The following DIP2A variants were observed in gnomAD, a reference collection of about 807,000 sequenced individuals.
DIP2A encodes the protein DIP2 acetate--CoA ligase A.
Under a neutral mutation model 177.4 loss-of-function variants are expected in DIP2A, and 85 were observed. The ratio of observed to expected loss-of-function variants is 0.48; its 90% CI spans 0.40 to 0.57. The LOEUF (loss-of-function observed/expected upper bound fraction) is 0.57, where lower values mean the gene tolerates loss of function less well. Ranked by LOEUF, DIP2A falls within the 20% of genes least tolerant of loss-of-function variation. DIP2A has a pLI of 0.00. For missense variants in DIP2A, 1,791 were observed against 2,100.2 expected (o/e 0.85, Z 2.88); for synonymous variants, 886 against 881.8 (o/e 1.00, Z -0.08).
rs1940541252 is a variant in DIP2A, at chr21:46,557,416, C to G, written c.3630-169C>G. Reference sequence around the variant, plus strand: ...CTCAGAACCCCGTGCCTGCCATCCCCCAACCTTCACCCTGTGGCATGTTTT... The same window carrying G: ...CTCAGAACCCCGTGCCTGCCATCCCGCAACCTTCACCCTGTGGCATGTTTT... On this transcript the variant is annotated intron_variant, in intron 30 of 37. Coordinates refer to ENST00000417564, the MANE Select transcript of DIP2A (RefSeq NM_015151.4). The surrounding 1 kb of genome is among the most constrained non-coding windows in gnomAD (Gnocchi z 6.0). The G allele has an allele frequency of 1.1e-6, 1 of 877,790 alleles. No homozygotes were observed. 54.4% of individuals were successfully genotyped at this position (877,790 alleles called of 1,614,324 possible).
chr21:46,533,259 C>T (rs1020769086), intron 10 of DIP2A, among the ~76,000 whole-genome samples: 2 of 152,166 alleles, frequency 1.3e-5, no homozygotes, highest in African/African-American at 2.4e-5. Context: ...TAAGAATAAA[C>T]TTTGAGAAAT....
chr21:46,561,365 A>C, intron 33 of DIP2A: 1 of 353,996 alleles, frequency 2.8e-6, no homozygotes, highest in Non-Finnish European at 5.4e-6. Flanking sequence ...TCAGATGTGT[A>C]TCAGGGCCCC....
At chr21:46,507,433 A>T (rs1408378811) in intron 6 of DIP2A, among the ~76,000 whole-genome samples, 1 of 152,136 alleles carries the variant, frequency 6.6e-6, no homozygotes, top group Non-Finnish European at 1.5e-5. Context: ...GTATGTGGGT[A>T]TTCAGTTGTT....
chr21:46,511,706 C>G, intron 8 of DIP2A, 92 bp downstream of exon 8: 2 of 1,283,242 alleles, frequency 1.6e-6, no homozygotes, highest in South Asian at 3.4e-5. Context: ...GATAAATATT[C>G]CTGAGAAACC....
intron 8 of DIP2A, among the ~76,000 whole-genome samples, chr21:46,513,898 G>A (rs1490448030): frequency 1.1e-4 from 16 of 152,018 alleles, no homozygotes; most frequent in Admixed American, 7.9e-4. Context: ...CAAGCATTTC[G>A]GATAAGGGAT....
chr21:46,503,547 T>C (rs775408396), intron 5 of DIP2A, among the ~76,000 whole-genome samples: 2 of 151,028 alleles, frequency 1.3e-5, no homozygotes, highest in South Asian at 2.1e-4. Context: ...ATTTCAAATT[T>C]GTTTCTGCTT....
At position 46,551,991 on chromosome 21, in the gene DIP2A, T is replaced by G. The variant is rs2060290743; in HGVS notation, c.3030+87T>G. The stretch of plus-strand genomic sequence containing the variant: ...TGTCTAGTTCATGGTGCCAGTGTCC[T>G]GGTTGTTCTCATGTTTAGAGAACAG... On this transcript the variant is annotated intron_variant, in intron 25 of 37. Transcript: ENST00000417564. 4 of 1,431,368 alleles carry G rather than the reference T, an allele frequency of 2.8e-6. 1 individual carries two copies. Among genetic ancestry groups the G allele is most frequent in the African/African-American group, 2.8e-5 (2 of 71,016 alleles). The allele number at this position is 1,431,368 out of a possible 1,614,324, so 88.7% of individuals were successfully genotyped here. A position where few individuals can be genotyped will look rare whatever the true frequency, so the allele number is the denominator to read the frequency against.
Position 46,498,346 on chromosome 21 carries a change from A to C in DIP2A, c.404-236A>C, listed in dbSNP as rs557626710. On this transcript the variant is annotated intron_variant, in intron 4 of 37. Coordinates refer to ENST00000417564, the MANE Select transcript of DIP2A (RefSeq NM_015151.4). This position sits in a 1 kb window ranked among gnomAD's most constrained non-coding sequence, Gnocchi z 4.3. ...GAGTGTGTCTGGTACCCTGTGGCTGAGTTCTCTCTGGGGAGCTGGGGGCTC... is the reference window on the plus strand; with the variant it reads ...GAGTGTGTCTGGTACCCTGTGGCTGCGTTCTCTCTGGGGAGCTGGGGGCTC... 6.6e-6 allele frequency among the ~76,000 whole-genome samples: 1 copy of C among 152,246 alleles called. No individual in the cohort carries two copies. Among genetic ancestry groups the C allele is most frequent in the African/African-American group, 2.4e-5 (1 of 41,564 alleles).
intron 9 of DIP2A, among the ~76,000 whole-genome samples, chr21:46,529,920 T>G (rs2059285657): frequency 3.9e-5 from 6 of 152,344 alleles, no homozygotes; most frequent in Admixed American, 2.0e-4. Flanking sequence ...TCTCTTGTGC[T>G]ACACTGCCCT....
chr21:46,461,283 A>AAAAAAAAAAAAAAAAAAAAAAAG (rs2054286758), intron 1 of DIP2A, among the ~76,000 whole-genome samples: 1 of 149,464 alleles, frequency 6.7e-6, no homozygotes, highest in Non-Finnish European at 1.5e-5. Flanking sequence ...AAAAAAAAAA[A>AAAAAAAAAAAAAAAAAAAAAAAG]AAAAAAAAAA....
chr21:46,465,611 A>G (rs1568896620), intron 1 of DIP2A, among the ~76,000 whole-genome samples: 1 of 152,160 alleles, frequency 6.6e-6, no homozygotes, highest in Non-Finnish European at 1.5e-5. Flanking sequence ...ACTGCTGGGC[A>G]CTTTAACGTA....
At chr21:46,558,967 C>T (rs542566873) in intron 32 of DIP2A, 8 of 157,244 alleles carry the variant, frequency 5.1e-5, no homozygotes, top group Admixed American at 1.3e-4. Flanking sequence ...GCTGGTGGTG[C>T]GCGCCTGTTG....
At chr21:46,544,947 T>C (rs913926962) in intron 18 of DIP2A, among the ~76,000 whole-genome samples, 190 bp from the exon 19 acceptor site, 7 of 152,232 alleles carry the variant, frequency 4.6e-5, no homozygotes, top group African/African-American at 1.7e-4. Context: ...ATAAAAAATA[T>C]TACATATAAA....
intron 17 of DIP2A, among the ~76,000 whole-genome samples, chr21:46,540,367 G>A (rs755898253): frequency 2.0e-5 from 3 of 152,116 alleles, no homozygotes; most frequent in Admixed American, 6.5e-5. Context: ...AGAAGCACCC[G>A]GCCTGGTGCT....
intron 1 of DIP2A, among the ~76,000 whole-genome samples, chr21:46,467,392 G>A (rs2054934014): frequency 6.6e-6 from 1 of 151,808 alleles, no homozygotes; most frequent in African/African-American, 2.4e-5. Context: ...TTTTAAGATA[G>A]TGTCTCGCTC....
Position 46,558,274 on chromosome 21 carries a change from G to C in DIP2A, c.3850G>C (p.Glu1284Gln). 3.1e-6 allele frequency: 5 copies of C among 1,612,658 alleles called. No homozygotes were observed. Among genetic ancestry groups the C allele is most frequent in the Non-Finnish European group, 4.2e-6 (5 of 1,179,814 alleles). ...CVRTCMVVAE[E>Q]RPRIALTQSF... is the part of the protein sequence containing the mutation. ...GCGCACGTGCATGGTGGTCGCCGAGGAGCGGCCCAGGATTGCGCTGACCCA... is the reference window on the plus strand; with the variant it reads ...GCGCACGTGCATGGTGGTCGCCGAGCAGCGGCCCAGGATTGCGCTGACCCA... The change falls in exon 32 of 38, where the codon GAG becomes CAG. Residue 1284 changes from glutamate to glutamine, a missense_variant. Coordinates refer to ENST00000417564, the MANE Select transcript of DIP2A (RefSeq NM_015151.4).
intron 1 of DIP2A, among the ~76,000 whole-genome samples, chr21:46,459,482 C>T (rs2054091063): frequency 6.8e-6 from 1 of 146,360 alleles, no homozygotes; most frequent in African/African-American, 2.6e-5. Context: ...CCCAGCACGA[C>T]CCCTCGCCCC....
At chr21:46,536,029 A>G (rs2059555979) in intron 13 of DIP2A, among the ~76,000 whole-genome samples, 1 of 152,258 alleles carries the variant, frequency 6.6e-6, no homozygotes, top group Admixed American at 6.5e-5. Context: ...CCAATGAGTA[A>G]TGGGATTGTG....
At chr21:46,515,215 T>A (rs918913533) in intron 8 of DIP2A, among the ~76,000 whole-genome samples, 7 of 152,232 alleles carry the variant, frequency 4.6e-5, no homozygotes, top group African/African-American at 1.7e-4. Flanking sequence ...CCCTGGCCAA[T>A]GGCCAAGTAA....
Sources: gnomAD v4.1 joint callset for allele counts (sites outside exome capture counted in the v4.1 genomes callset) on GRCh38, gnomAD v4.1.1 for gene constraint, Gnocchi (gnomAD v3.1) non-coding constraint, MANE v1.5 for transcripts, NCBI Gene and HGNC (gene_info 2026-07-23, HGNC 2026-07-21) for gene names.